The following SULT1C3 variants were observed in gnomAD, a reference collection of about 807,000 sequenced individuals.
The protein encoded by SULT1C3 is sulfotransferase family 1C member 3.
A neutral mutation model predicts 28.4 loss-of-function variants in SULT1C3; 31 were observed. The ratio of observed to expected loss-of-function variants is 1.09; its 90% CI spans 0.82 to 1.47. The LOEUF is 1.47. Among genes scored for constraint, SULT1C3 ranks in the 40% most tolerant of loss-of-function variants. The pLI is 0.00. For synonymous variants in SULT1C3, 106 were observed against 92.2 expected, an observed-to-expected ratio of 1.15 and a Z score of -0.86; for missense variants, 307 against 272.5, an observed-to-expected ratio of 1.13 and a Z score of -0.89.
chr2:108,262,757 C>G (rs1182129975), downstream of SULT1C3, among the ~76,000 whole-genome samples: 1 of 152,160 alleles, frequency 6.6e-6, no homozygotes, highest in Non-Finnish European at 1.5e-5. Context: ...TCCCCTAGAA[C>G]TTTCCCCAAT....
intron 1 of SULT1C3, among the ~76,000 whole-genome samples, chr2:108,242,158 T>G (rs181357340): frequency 5.8e-4 from 89 of 152,306 alleles, no homozygotes; most frequent in African/African-American, 2.0e-3. Context: ...ATTTGCATTT[T>G]GACGACACTT....
chr2:108,252,255 T>C (rs17819861), intron 2 of SULT1C3, 110 bp from the exon 3 acceptor site: 71,009 of 1,034,568 alleles, frequency 0.069, 2,705 homozygotes, highest in Non-Finnish European at 0.076. Context: ...TTGGCAACAT[T>C]GATCTAATTT....
At chr2:108,264,711 A>G, downstream of SULT1C3, 1 of 1,070,998 alleles carries the variant, frequency 9.3e-7, no homozygotes, top group South Asian at 1.7e-5. Flanking sequence ...AATATTTTTA[A>G]AATGTGTTCA....
At chr2:108,265,294 C>T (rs1050018319), downstream of SULT1C3, 2 of 1,613,830 alleles carry the variant, frequency 1.2e-6, no homozygotes, top group Admixed American at 3.3e-5. Flanking sequence ...AAGAATTTGA[C>T]AAGGACTACC....
intron 1 of SULT1C3, among the ~76,000 whole-genome samples, 64 bp downstream of exon 1, chr2:108,240,147 G>C (rs569405558): frequency 5.9e-4 from 90 of 152,302 alleles, no homozygotes; most frequent in Non-Finnish European, 6.2e-4. Flanking sequence ...CCTGGAAAAG[G>C]GTCGGGATAT....
rs375489306 is a variant in SULT1C3, at chr2:108,258,793, C to T, written c.586C>T (p.Arg196Trp). 204 of 1,612,752 alleles carry T rather than the reference C, an allele frequency of 1.3e-4. 1 individual carries two copies. The highest frequency in any genetic ancestry group is 1.3e-3 in the South Asian group (114 of 90,926). ...KGWWAAKDMH[R>W]ILYLFYEDIK... ...ATGGTGGGCTGCAAAAGACATGCACCGGATCCTCTACCTCTTCTACGAGGA... is the reference window on the plus strand; with the variant it reads ...ATGGTGGGCTGCAAAAGACATGCACTGGATCCTCTACCTCTTCTACGAGGA... The change falls in exon 6 of 8, where the codon CGG becomes TGG. Residue 196 changes from arginine (R) to tryptophan (W), a missense_variant. Transcript: ENST00000681802.
downstream of SULT1C3, among the ~76,000 whole-genome samples, chr2:108,263,900 G>T (rs914019881): frequency 2.0e-5 from 3 of 152,208 alleles, no homozygotes; most frequent in African/African-American, 7.2e-5. Flanking sequence ...ATAGTTGAAT[G>T]AATCTGTTGG....
downstream of SULT1C3, among the ~76,000 whole-genome samples, chr2:108,264,609 G>A (rs1007767802): frequency 6.6e-6 from 1 of 152,160 alleles, no homozygotes; most frequent in Non-Finnish European, 1.5e-5. Context: ...TTTCCTTCAA[G>A]GTAAGCCTCT....
At chr2:108,247,038 G>A (rs1675598657) in intron 1 of SULT1C3, among the ~76,000 whole-genome samples, 150 bp from the exon 2 acceptor site, 1 of 152,152 alleles carries the variant, frequency 6.6e-6, no homozygotes, top group Non-Finnish European at 1.5e-5. Context: ...AATAATTAAT[G>A]TACATAGAGT....
chr2:108,241,183 C>T (rs538441378), intron 1 of SULT1C3, among the ~76,000 whole-genome samples: 8 of 152,348 alleles, frequency 5.3e-5, no homozygotes, highest in Admixed American at 6.5e-5. Flanking sequence ...ATTGGCTCTG[C>T]GTGTCACGCT....
rs73951724 is a variant in SULT1C3, at chr2:108,252,591, C to T, written c.301+98C>T. 2.8e-3 allele frequency: 3,904 copies of T among 1,410,390 alleles called. 75 individuals carry two copies. The African/African-American group carries it at 0.046, about 17-fold the overall frequency. 87.4% of individuals were successfully genotyped at this position (1,410,390 alleles called of 1,614,324 possible). A position where few individuals can be genotyped will look rare whatever the true frequency, so the allele number is the denominator to read the frequency against. On this transcript the variant is annotated intron_variant, in intron 3 of 7. Transcript: ENST00000681802. ...GAGCATCCGTGGTAGCCAGAAGTAG[C>T]CTGTATCTTTCATGAGGTCTATTTG...
chr2:108,265,134 G>A, downstream of SULT1C3: 1 of 1,444,954 alleles, frequency 6.9e-7, no homozygotes, highest in Non-Finnish European at 9.4e-7. Context: ...CAACCTTTGA[G>A]AGGCAAGTTG....
In SULT1C3 at chr2:108,258,799, C is replaced by T; in HGVS notation, c.592C>T (p.Leu198Phe). 6.2e-7 allele frequency: 1 copy of T among 1,612,796 alleles called. No homozygotes were observed. The highest frequency in any genetic ancestry group is 8.5e-7 in the Non-Finnish European group (1 of 1,179,270). ...GGCTGCAAAAGACATGCACCGGATC[C>T]TCTACCTCTTCTACGAGGATATTAA... ...WWAAKDMHRI[L>F]YLFYEDIKKN... The change falls in exon 6 of 8, where the codon CTC becomes TTC. Residue 198 changes from leucine (L) to phenylalanine (F), a missense_variant. Transcript: ENST00000681802.
Position 108,252,408 on chromosome 2 carries a change from T to G in SULT1C3, c.216T>G (p.Asp72Glu). The G allele has an allele frequency of 6.2e-7, 1 of 1,611,948 alleles. No homozygotes were observed. Residue 72 changes from aspartate to glutamate, a missense_variant, in exon 3 of 8, where the codon GAT (aspartate) becomes GAG (glutamate). Physicochemically the swap from Asp to Glu is conservative, Grantham distance 45. Transcript: ENST00000681802. ...AAATTTTAGACATGATTCTAAATGA[T>G]GGTGATGTGGAGAAATGCAAAAGAG... ...MHEILDMILNDGDVEKCKRAQ... is the reference protein window; with the variant it reads ...MHEILDMILNEGDVEKCKRAQ...
chr2:108,265,243 G>T (rs1676107615), downstream of SULT1C3: 1 of 1,613,350 alleles, frequency 6.2e-7, no homozygotes, highest in African/African-American at 1.3e-5. Context: ...TTTCAGGGAT[G>T]CCTGGAGACT....
At chr2:108,248,852 T>A (rs1246539814) in intron 2 of SULT1C3, among the ~76,000 whole-genome samples, 3 of 152,150 alleles carry the variant, frequency 2.0e-5, no homozygotes, top group Non-Finnish European at 4.4e-5. Flanking sequence ...TCAGCTGATA[T>A]TAAAATAGGG....
chr2:108,257,113 G>A (rs563405290), intron 5 of SULT1C3, among the ~76,000 whole-genome samples: 44 of 152,102 alleles, frequency 2.9e-4, no homozygotes, highest in Non-Finnish European at 6.0e-4. Context: ...AGTGTCAATT[G>A]TGTAGTTGTG....
At chr2:108,243,367 C>T (rs566188091) in intron 1 of SULT1C3, among the ~76,000 whole-genome samples, 5 of 152,110 alleles carry the variant, frequency 3.3e-5, no homozygotes, top group Non-Finnish European at 7.4e-5. Context: ...CGCGGTGGCT[C>T]ACACCTGTAA....
chr2:108,247,391 A>T (rs762172279), intron 2 of SULT1C3, 25 bp downstream of exon 2: 1 of 1,492,578 alleles, frequency 6.7e-7, no homozygotes, highest in Non-Finnish European at 9.0e-7. Flanking sequence ...ACATAAAAAT[A>T]TTCAATATTT....
Sources: gnomAD v4.1 joint callset for allele counts (sites outside exome capture counted in the v4.1 genomes callset) on GRCh38, gnomAD v4.1.1 for gene constraint, MANE v1.5 for transcripts, NCBI Gene and HGNC (gene_info 2026-07-23, HGNC 2026-07-21) for gene names.